The following VRK1 variants were observed in gnomAD, a reference collection of about 807,000 sequenced individuals.
VRK1 encodes VRK serine/threonine kinase 1.
In VRK1, 33 loss-of-function variants were observed where a neutral mutation model predicts 57.1. That is an observed-to-expected ratio of 0.58 (90% confidence interval 0.44 to 0.77). VRK1 has a LOEUF of 0.77. VRK1 is among the 30% of genes least tolerant of loss of function. The pLI is 0.00. For synonymous variants in VRK1, 137 were observed against 147.8 expected, an observed-to-expected ratio of 0.93 and a Z score of 0.53; for missense variants, 413 against 477.3, an observed-to-expected ratio of 0.87 and a Z score of 1.25.
At chr14:96,801,082 T>C (rs1885641844) in intron 1 of VRK1, among the ~76,000 whole-genome samples, 1 of 152,170 alleles carries the variant, frequency 6.6e-6, no homozygotes, top group South Asian at 2.1e-4. Flanking sequence ...TTTCTTTCTG[T>C]GTATTTATTT....
chr14:96,824,215 C>T (rs1251922356), intron 1 of VRK1, among the ~76,000 whole-genome samples: 1 of 151,790 alleles, frequency 6.6e-6, no homozygotes, highest in African/African-American at 2.4e-5. Flanking sequence ...ATGATAAAAC[C>T]CTGGAAAACT....
intron 1 of VRK1, among the ~76,000 whole-genome samples, chr14:96,808,091 G>A (rs560205021): frequency 7.5e-4 from 113 of 149,956 alleles, no homozygotes; most frequent in African/African-American, 2.7e-3. Context: ...TGGAAGCCTG[G>A]GTAATACCAA....
At chr14:96,825,615 A>T (rs1233277914) in intron 1 of VRK1, among the ~76,000 whole-genome samples, 1 of 152,234 alleles carries the variant, frequency 6.6e-6, no homozygotes, top group Non-Finnish European at 1.5e-5. Flanking sequence ...ACTTCAGGTC[A>T]TATCTGACTT....
chr14:96,809,724 C>A (rs1886098236), intron 1 of VRK1, among the ~76,000 whole-genome samples: 1 of 152,006 alleles, frequency 6.6e-6, no homozygotes, highest in Non-Finnish European at 1.5e-5. Flanking sequence ...AGGCGCCTGC[C>A]ACCACGCCTG....
chr14:96,811,223 G>A (rs796096097), intron 1 of VRK1, among the ~76,000 whole-genome samples: 22 of 152,056 alleles, frequency 1.4e-4, no homozygotes, highest in Non-Finnish European at 8.8e-5. Flanking sequence ...GAGCCACCGC[G>A]CCCAGCCTCT....
intron 10 of VRK1, 32 bp from the exon 11 acceptor site, chr14:96,860,525 A>C: frequency 6.3e-7 from 1 of 1,589,276 alleles, no homozygotes. Context: ...AAATATATTG[A>C]AAGTTATAAA....
chr14:96,833,757 A>C (rs1414061099), intron 2 of VRK1, 126 bp downstream of exon 2: 8 of 1,401,104 alleles, frequency 5.7e-6, no homozygotes, highest in Admixed American at 1.8e-5. Flanking sequence ...ATAGTTTCTG[A>C]TTAAGCAAAA....
At chr14:96,854,210 A>C (rs1435574973) in intron 7 of VRK1, among the ~76,000 whole-genome samples, 1 of 152,196 alleles carries the variant, frequency 6.6e-6, no homozygotes, top group Admixed American at 6.5e-5. Flanking sequence ...GGCTAAGAAC[A>C]AAGAAAACGC....
chr14:96,839,747 A>G (rs575613715), intron 3 of VRK1, among the ~76,000 whole-genome samples: 4 of 152,028 alleles, frequency 2.6e-5, no homozygotes, highest in Non-Finnish European at 5.9e-5. Flanking sequence ...ATAGTAAGAG[A>G]GTTTTTTTCT....
chr14:96,799,011 C>T (rs1329476189), intron 1 of VRK1, among the ~76,000 whole-genome samples: 1 of 152,164 alleles, frequency 6.6e-6, no homozygotes, highest in Non-Finnish European at 1.5e-5. Flanking sequence ...TAACAATAAA[C>T]TTGTGTTAGG....
intron 5 of VRK1, among the ~76,000 whole-genome samples, chr14:96,852,313 T>C (rs1333709994): frequency 6.6e-6 from 1 of 152,224 alleles, no homozygotes; most frequent in African/African-American, 2.4e-5. Context: ...ATTGAGTGTT[T>C]AATGTACAAT....
intron 1 of VRK1, among the ~76,000 whole-genome samples, chr14:96,821,470 T>C (rs1886594273): frequency 6.6e-6 from 1 of 152,164 alleles, no homozygotes; most frequent in Non-Finnish European, 1.5e-5. Flanking sequence ...ATACCAGAAC[T>C]CTTAGGTTAT....
At chr14:96,824,714 C>T (rs905051951) in intron 1 of VRK1, among the ~76,000 whole-genome samples, 13 of 148,232 alleles carry the variant, frequency 8.8e-5, no homozygotes, top group African/African-American at 2.5e-4. Context: ...AGTGCAGTGG[C>T]GCCGTCTCGG....
At chr14:96,839,090 T>TG (rs1228199509) in intron 3 of VRK1, among the ~76,000 whole-genome samples, 2 of 151,418 alleles carry the variant, frequency 1.3e-5, no homozygotes, top group Non-Finnish European at 2.9e-5. Flanking sequence ...TTGAGTTTTT[T>TG]TTTTTTTTTT....
chr14:96,833,763 C>CA, intron 2 of VRK1, 132 bp downstream of exon 2: 1 of 1,295,526 alleles, frequency 7.7e-7, no homozygotes, highest in Non-Finnish European at 1.1e-6. Context: ...TCTGATTAAG[C>CA]AAAAATGCAT....
intron 11 of VRK1, among the ~76,000 whole-genome samples, chr14:96,873,689 T>C (rs533283390): frequency 6.6e-6 from 1 of 152,236 alleles, no homozygotes; most frequent in East Asian, 1.9e-4. Flanking sequence ...AATGAAGCAT[T>C]TGGAAAGATT....
chr14:96,799,084 TTGTTA>T (rs1274577477), intron 1 of VRK1, among the ~76,000 whole-genome samples: 9 of 152,242 alleles, frequency 5.9e-5, no homozygotes, highest in Admixed American at 1.3e-4. Context: ...CAATGTCTTC[TTGTTA>T]TGTTCAGTGC....
chr14:96,800,909 A>G (rs1371225346), intron 1 of VRK1, among the ~76,000 whole-genome samples: 1 of 152,102 alleles, frequency 6.6e-6, no homozygotes, highest in African/African-American at 2.4e-5. Context: ...ATGGTCTGTC[A>G]TATACTTTTA....
chr14:96,841,495 C>T (rs1255211963), intron 3 of VRK1, among the ~76,000 whole-genome samples: 1 of 152,162 alleles, frequency 6.6e-6, no homozygotes, highest in Non-Finnish European at 1.5e-5. Context: ...CAGTTGATTT[C>T]TCTTTTGCAT....
Sources: gnomAD v4.1 joint callset for allele counts (sites outside exome capture counted in the v4.1 genomes callset) on GRCh38, gnomAD v4.1.1 for gene constraint, MANE v1.5 for transcripts, NCBI Gene and HGNC (gene_info 2026-07-23, HGNC 2026-07-21) for gene names.